The following ANKS6 variants were observed in gnomAD, a reference collection of about 807,000 sequenced individuals.
ANKS6 encodes ankyrin repeat and SAM domain-containing protein 6.
In ANKS6, 47 loss-of-function variants were observed where a neutral mutation model predicts 77.9. The ratio of observed to expected loss-of-function variants is 0.60; its 90% confidence interval spans 0.48 to 0.77. The LOEUF (loss-of-function observed/expected upper bound fraction) is 0.77, where lower values mean the gene tolerates loss of function less well. ANKS6 is among the 30% of genes least tolerant of loss of function. The probability of loss-of-function intolerance (pLI) is 0.00; values close to 1 mark genes in which losing one functional copy is unlikely to be tolerated. For missense variants in ANKS6, 1,150 were observed against 1,159.1 expected (o/e 0.99, Z 0.11); for synonymous variants, 488 against 501.7 (o/e 0.97, Z 0.37).
chr9:98,745,044 A>C (rs1832044505), intron 14 of ANKS6, among the ~76,000 whole-genome samples: 1 of 152,090 alleles, frequency 6.6e-6, no homozygotes, highest in South Asian at 2.1e-4. Context: ...GAGGGCACTG[A>C]TATTTTTAGC....
chr9:98,787,758 A>T (rs1219636679), intron 2 of ANKS6, among the ~76,000 whole-genome samples: 3 of 152,226 alleles, frequency 2.0e-5, no homozygotes, highest in Non-Finnish European at 2.9e-5. Flanking sequence ...GTAGTCCTGC[A>T]GGGCCAATTA....
intron 1 of ANKS6, among the ~76,000 whole-genome samples, chr9:98,793,058 A>G (rs1050903901): frequency 1.8e-4 from 28 of 152,240 alleles, no homozygotes; most frequent in Admixed American, 3.9e-4. Context: ...GATGAATTTC[A>G]GCAATTAACA....
intron 7 of ANKS6, 73 bp from the exon 8 acceptor site, chr9:98,777,527 A>G: frequency 6.8e-7 from 1 of 1,470,398 alleles, no homozygotes; most frequent in South Asian, 1.2e-5. Context: ...TGACTGGGGC[A>G]GGCTTCAACC....
rs1235678106 is a variant in ANKS6, at chr9:98,761,366, C to CT, written c.2143-4764dup. Among the ~76,000 whole-genome samples the CT allele has an allele frequency of 3.3e-5, 5 of 152,156 alleles. No individual in the cohort carries two copies. In the South Asian group the frequency reaches 6.2e-4, roughly 19 times the overall value. ...CTCACTGCAGCCTTGAACTCTAGGG[C>CT]TTAAGCAATATTCCCATCTCAGCCT... On this transcript the variant is annotated intron_variant, in intron 11 of 14. Transcript: ENST00000353234.
chr9:98,762,124 A>T (rs1833049828), intron 11 of ANKS6, among the ~76,000 whole-genome samples: 1 of 152,170 alleles, frequency 6.6e-6, no homozygotes, highest in South Asian at 2.1e-4. Flanking sequence ...ATTATATTCC[A>T]TATAATACAT....
intron 10 of ANKS6, among the ~76,000 whole-genome samples, chr9:98,768,632 C>T (rs1326771451): frequency 6.6e-6 from 1 of 152,234 alleles, no homozygotes; most frequent in Non-Finnish European, 1.5e-5. Context: ...ACCGTCTTGT[C>T]TGGCTGCACC....
At chr9:98,764,505 G>A (rs1370271326) in intron 11 of ANKS6, among the ~76,000 whole-genome samples, 1 of 152,028 alleles carries the variant, frequency 6.6e-6, no homozygotes, top group African/African-American at 2.4e-5. Flanking sequence ...TTACCTCTAT[G>A]CTGTGGCATT....
At chr9:98,783,503 C>G (rs1479443406) in intron 4 of ANKS6, 1 of 152,752 alleles carries the variant, frequency 6.5e-6, no homozygotes, top group Admixed American at 6.5e-5. Context: ...CCTGTAAACA[C>G]TGAAGCCTAT....
At chr9:98,748,516 G>GATATA (rs1260624995) in intron 13 of ANKS6, among the ~76,000 whole-genome samples, 1 of 152,148 alleles carries the variant, frequency 6.6e-6, no homozygotes, top group Non-Finnish European at 1.5e-5. Flanking sequence ...TGGTAAATGA[G>GATATA]ATATAATAAA....
At chr9:98,753,132 A>G (rs1222452109) in intron 12 of ANKS6, among the ~76,000 whole-genome samples, 1 of 152,004 alleles carries the variant, frequency 6.6e-6, no homozygotes, top group African/African-American at 2.4e-5. Flanking sequence ...ATAGCACACA[A>G]TTTACAAATA....
chr9:98,749,829 A>G (rs747840960), intron 13 of ANKS6, among the ~76,000 whole-genome samples: 8 of 152,184 alleles, frequency 5.3e-5, no homozygotes, highest in Admixed American at 1.3e-4. Flanking sequence ...CGAGCTCCTC[A>G]ACTGCATCTC....
rs1010374431 is a variant in ANKS6, at chr9:98,735,333, C to T, written c.*1186G>A. ...AGAGCCTGAAGGCTCTGTATTGTGT[C>T]TGCACACTTGGCACCTGGTAGCTAA... On this transcript the variant is annotated 3_prime_UTR_variant, in exon 15 of 15. Transcript: ENST00000353234. 8.8e-6 allele frequency: 9 copies of T among 1,025,358 alleles called. No homozygotes were observed. The East Asian group carries it at 7.7e-4, about 88-fold the overall frequency. The allele number at this position is 1,025,358 out of a possible 1,614,324, so 63.5% of individuals were successfully genotyped here. A position where few individuals can be genotyped will look rare whatever the true frequency, so the allele number is the denominator to read the frequency against.
intron 1 of ANKS6, among the ~76,000 whole-genome samples, chr9:98,795,760 T>TG (rs1218086229): frequency 3.3e-5 from 5 of 152,132 alleles, no homozygotes; most frequent in Non-Finnish European, 2.9e-5. Flanking sequence ...ACCAATGCCC[T>TG]GGGTGGGGAC....
chr9:98,786,703 T>A (rs1037951619), intron 2 of ANKS6, among the ~76,000 whole-genome samples: 1 of 152,192 alleles, frequency 6.6e-6, no homozygotes, highest in Non-Finnish European at 1.5e-5. Context: ...TTAAAAAAAA[T>A]ATGTCATGTT....
intron 9 of ANKS6, among the ~76,000 whole-genome samples, chr9:98,772,076 TAC>T (rs1245707497): frequency 6.6e-6 from 1 of 152,132 alleles, no homozygotes; most frequent in Non-Finnish European, 1.5e-5. Flanking sequence ...GCCAAAAAGA[TAC>T]ACAGTGTCCT....
chr9:98,741,208 A>T (rs1313828720), intron 14 of ANKS6, among the ~76,000 whole-genome samples: 1 of 152,228 alleles, frequency 6.6e-6, no homozygotes, highest in African/African-American at 2.4e-5. Flanking sequence ...TATATGAAAA[A>T]GAGTTCTTAA....
At chr9:98,771,278 T>A (rs1833612909) in intron 9 of ANKS6, among the ~76,000 whole-genome samples, 2 of 152,210 alleles carry the variant, frequency 1.3e-5, no homozygotes, top group Admixed American at 1.3e-4. Context: ...TCATTTCCCA[T>A]GGGCCACCTT....
chr9:98,774,359 G>A (rs867725122), intron 8 of ANKS6, among the ~76,000 whole-genome samples: 1 of 152,204 alleles, frequency 6.6e-6, no homozygotes, highest in African/African-American at 2.4e-5. Context: ...AGATGATGTT[G>A]GTGTGCTGTG....
chr9:98,780,101 C>A, intron 6 of ANKS6, 88 bp downstream of exon 6: 1 of 1,564,446 alleles, frequency 6.4e-7, no homozygotes, highest in African/African-American at 1.3e-5. Flanking sequence ...CTAGCATAAA[C>A]CAGCCTGGGT....
Sources: allele counts gnomAD v4.1 joint callset (sites outside exome capture counted in the v4.1 genomes callset), GRCh38; gene constraint gnomAD v4.1.1; transcripts MANE v1.5; gene names NCBI Gene and HGNC (gene_info 2026-07-23, HGNC 2026-07-21).